Variants in PLD1 observed in about 807,000 individuals in gnomAD.
PLD1 encodes the protein phospholipase D1.
Under a neutral mutation model 137.1 loss-of-function variants are expected in PLD1, and 112 were observed. That is an observed-to-expected ratio of 0.82 (90% CI 0.70 to 0.96). The LOEUF is 0.96. Ranked by LOEUF, PLD1 falls within the 40% of genes least tolerant of loss-of-function variation. PLD1 has a pLI of 0.00. For synonymous variants in PLD1, 431 were observed against 454.7 expected, an observed-to-expected ratio of 0.95 and a Z score of 0.66; for missense variants, 1,321 against 1,342.0, an observed-to-expected ratio of 0.98 and a Z score of 0.24.
Position 171,608,410 on chromosome 3 carries a change from G to A in PLD1, c.2883-2994C>T, listed in dbSNP as rs559270144. Among the ~76,000 whole-genome samples, 10 of 152,244 alleles carry A rather than the reference G, an allele frequency of 6.6e-5. No individual in the cohort carries two copies. In the South Asian group the frequency reaches 1.0e-3, roughly 16 times the overall value. On this transcript the variant is annotated intron_variant, in intron 25 of 26. Transcript: ENST00000351298. ...AAAACTAGTAAGAACTTGAGAGAAC[G>A]TGAGTAAACAATTCTAAAGTCCATG...
chr3:171,801,545 C>T (rs965466689), intron 1 of PLD1, among the ~76,000 whole-genome samples: 1 of 152,234 alleles, frequency 6.6e-6, no homozygotes, highest in Non-Finnish European at 1.5e-5. Flanking sequence ...TCTCCTGCCT[C>T]AGCCTCCCAA....
intron 8 of PLD1, among the ~76,000 whole-genome samples, chr3:171,722,704 T>A (rs1288026815): frequency 6.6e-6 from 1 of 152,202 alleles, no homozygotes; most frequent in African/African-American, 2.4e-5. Flanking sequence ...AATTCACATA[T>A]CATAAAACGT....
At chr3:171,641,908 G>A (rs1735784012) in intron 23 of PLD1, among the ~76,000 whole-genome samples, 1 of 152,100 alleles carries the variant, frequency 6.6e-6, no homozygotes. Flanking sequence ...ATAAAACCTA[G>A]CCTTCTTAGT....
intron 20 of PLD1, among the ~76,000 whole-genome samples, chr3:171,661,430 AC>A (rs2108436299): frequency 6.6e-6 from 1 of 152,254 alleles, no homozygotes; most frequent in African/African-American, 2.4e-5. Context: ...AGTTCTCTGA[AC>A]TATTTTTATA....
intron 24 of PLD1, among the ~76,000 whole-genome samples, chr3:171,619,719 C>T (rs1044192845): frequency 8.5e-5 from 13 of 152,132 alleles, no homozygotes; most frequent in African/African-American, 3.1e-4. Context: ...AAGGTACTCA[C>T]TTATGACACA....
Position 171,686,667 on chromosome 3 carries a change from A to T in PLD1, c.1867+18T>A. Reference sequence around the variant, plus strand: ...AGCTCAAGCCTAAGGGAGTTCTGCCACTTCACAAATTACTTACCAGCATGA... The same window carrying T: ...AGCTCAAGCCTAAGGGAGTTCTGCCTCTTCACAAATTACTTACCAGCATGA... On this transcript the variant is annotated intron_variant, in intron 16 of 26. Coordinates refer to ENST00000351298, the MANE Select transcript of PLD1 (RefSeq NM_002662.5). 8.0e-7 allele frequency: 1 copy of T among 1,256,306 alleles called. No homozygotes were observed. The highest frequency in any genetic ancestry group is 1.2e-6 in the Non-Finnish European group (1 of 867,198). The allele number at this position is 1,256,306 out of a possible 1,614,324, so 77.8% of individuals were successfully genotyped here. A position where few individuals can be genotyped will look rare whatever the true frequency, so the allele number is the denominator to read the frequency against.
chr3:171,754,878 T>A lies in PLD1; in HGVS notation c.-31-16796A>T, dbSNP rs148618737. On this transcript the variant is annotated intron_variant, in intron 1 of 26. Transcript: ENST00000351298. ...ACCAGGAAATCTCCATCCTATCTGG[T>A]GAGACAGCTGTGCAGGCAACTTTTA... Among the ~76,000 whole-genome samples the A allele has an allele frequency of 6.2e-4, 94 of 152,282 alleles. 1 individual carries two copies. Among genetic ancestry groups the A allele is most frequent in the African/African-American group, 2.2e-3 (93 of 41,538 alleles).
At chr3:171,658,060 C>T (rs1737360526) in intron 21 of PLD1, among the ~76,000 whole-genome samples, 1 of 152,004 alleles carries the variant, frequency 6.6e-6, no homozygotes, top group African/African-American at 2.4e-5. Flanking sequence ...CACAAAGATG[C>T]TCAGTATCAT....
chr3:171,776,129 A>G (rs974427997), intron 1 of PLD1, among the ~76,000 whole-genome samples: 1 of 152,192 alleles, frequency 6.6e-6, no homozygotes, highest in Non-Finnish European at 1.5e-5. Context: ...GAGTAGGAAA[A>G]GGCAGGAACC....
At chr3:171,745,552 G>A (rs920443942) in intron 1 of PLD1, among the ~76,000 whole-genome samples, 1 of 152,220 alleles carries the variant, frequency 6.6e-6, no homozygotes, top group Admixed American at 6.5e-5. Flanking sequence ...CAGCACGTGG[G>A]CTCCACTGAC....
intron 1 of PLD1, among the ~76,000 whole-genome samples, chr3:171,758,207 C>T (rs1212865070): frequency 6.6e-6 from 1 of 152,142 alleles, no homozygotes; most frequent in Non-Finnish European, 1.5e-5. Flanking sequence ...TGTAAATTTT[C>T]ATATTATTTG....
intron 6 of PLD1, among the ~76,000 whole-genome samples, chr3:171,729,443 G>A (rs1718771076): frequency 6.6e-6 from 1 of 152,112 alleles, no homozygotes; most frequent in African/African-American, 2.4e-5. Context: ...AAAATTACTT[G>A]GCAATCACGT....
Position 171,737,523 on chromosome 3 carries a change from C to G in PLD1, c.288+9G>C, listed in dbSNP as rs775215861. ...AAAGAAAAAAGGGTGAGTCCATAAA[C>G]GCTCTGACCCTTGTTGTAGATGTGA... On this transcript the variant is annotated intron_variant, in intron 3 of 26. Transcript: ENST00000351298. 2 of 1,597,192 alleles carry G rather than the reference C, an allele frequency of 1.3e-6. No homozygotes were observed. Among genetic ancestry groups the G allele is most frequent in the Admixed American group, 3.7e-5 (2 of 54,750 alleles).
intron 1 of PLD1, among the ~76,000 whole-genome samples, chr3:171,751,418 A>G (rs746007578): frequency 1.2e-4 from 18 of 152,224 alleles, no homozygotes; most frequent in Non-Finnish European, 2.1e-4. Flanking sequence ...GGGAGAAGAC[A>G]TAAGTAGAAT....
chr3:171,721,713 T>C (rs1168288291), intron 8 of PLD1, among the ~76,000 whole-genome samples: 1 of 152,208 alleles, frequency 6.6e-6, no homozygotes, highest in Non-Finnish European at 1.5e-5. Flanking sequence ...GCAAATACTT[T>C]TTTTAGTATA....
At chr3:171,695,748 C>G (rs1269395911) in intron 12 of PLD1, among the ~76,000 whole-genome samples, 1 of 150,686 alleles carries the variant, frequency 6.6e-6, no homozygotes, top group African/African-American at 2.4e-5. Context: ...ACCCCACCCC[C>G]CCAACCCAGG....
chr3:171,801,435 T>G (rs1723641630), intron 1 of PLD1, among the ~76,000 whole-genome samples: 1 of 152,220 alleles, frequency 6.6e-6, no homozygotes, highest in Admixed American at 6.5e-5. Flanking sequence ...TTTTGTTTCT[T>G]GTTTTTGTTT....
At position 171,734,898 on chromosome 3, in the gene PLD1, G is replaced by A; in HGVS notation, c.507C>T (p.Asn169=). ...EMPSLPRSSE[N]MIREEQFLGR... ...CAAGGAATTGTTCTTCTCTTATCAT[G>A]TTTTCAGATGAACGGGGCAAACTGG... The change falls in exon 5 of 27, where the codon AAC becomes AAT. Residue 169 remains asparagine (N), a synonymous_variant. Transcript: ENST00000351298. 6.2e-7 allele frequency: 1 copy of A among 1,612,086 alleles called. No individual in the cohort carries two copies. Among genetic ancestry groups the A allele is most frequent in the Non-Finnish European group, 8.5e-7 (1 of 1,178,178 alleles).
intron 21 of PLD1, among the ~76,000 whole-genome samples, chr3:171,656,586 C>T (rs556843689): frequency 3.3e-5 from 5 of 152,338 alleles, no homozygotes; most frequent in East Asian, 3.9e-4. Flanking sequence ...TATAAAATAC[C>T]GGGGCCAGGC....
Sources: gnomAD v4.1 joint callset for allele counts (sites outside exome capture counted in the v4.1 genomes callset) on GRCh38, gnomAD v4.1.1 for gene constraint, MANE v1.5 for transcripts, NCBI Gene and HGNC (gene_info 2026-07-23, HGNC 2026-07-21) for gene names.